Variants in TIGD7 observed in about 807,000 individuals in gnomAD.
TIGD7 encodes tigger transposable element derived 7, also known as tigger transposable element-derived protein 7.
Under a neutral mutation model 24.8 loss-of-function variants are expected in TIGD7, and 26 were observed. The observed-to-expected ratio is 1.05, with a 90% CI of 0.77 to 1.45. TIGD7 has a LOEUF of 1.45. Among genes scored for constraint, TIGD7 ranks in the 40% most tolerant of loss-of-function variants. The pLI, the probability that TIGD7 is intolerant of heterozygous loss-of-function variation, is 0.00. For missense variants in TIGD7, 679 were observed against 641.6 expected, an observed-to-expected ratio of 1.06 and a Z score of -0.63; for synonymous variants, 221 against 224.1, an observed-to-expected ratio of 0.99 and a Z score of 0.12.
Position 3,299,697 on chromosome 16 carries a change from G to C in TIGD7, c.918C>G (p.Ser306=), listed in dbSNP as rs759446864. 1.0e-5 allele frequency: 16 copies of C among 1,538,184 alleles called. No individual in the cohort carries two copies. Among genetic ancestry groups the C allele is most frequent in the Non-Finnish European group, 1.2e-5 (14 of 1,148,140 alleles). The part of the protein sequence containing the change: ...DSCPAHPSSE[S]LTSEDGRIKC... ...TTATTCGACCATCCTCACTGGTTAG[G>C]GATTCAGAGGAAGGATGAGCCGGGC... is the stretch of plus-strand genomic sequence containing the variant. The change falls in exon 2 of 2, where the codon TCC becomes TCG. Residue 306 remains serine, a synonymous_variant. Transcript: ENST00000396862.
chr16:3,300,425 C>T lies in TIGD7; in HGVS notation c.190G>A (p.Val64Ile), dbSNP rs779261265. The T allele has an allele frequency of 2.9e-5, 47 of 1,614,058 alleles. No homozygotes were observed. The highest frequency in any genetic ancestry group is 6.7e-5 in the East Asian group (3 of 44,902). ...DFVLKQDMPL[V>I]GAEKRKRTTG... is the part of the protein sequence containing the mutation. Reference sequence around the variant, plus strand: ...GTCCTCTTTCTCTTCTCAGCCCCTACTAATGGCATGTCCTGCTTCAGTACA... The same window carrying T: ...GTCCTCTTTCTCTTCTCAGCCCCTATTAATGGCATGTCCTGCTTCAGTACA... Residue 64 changes from valine to isoleucine, a missense_variant, in exon 2 of 2, where the codon GTA becomes ATA. By Grantham distance (29) the Val-to-Ile change is conservative (BLOSUM62 3). Transcript: ENST00000396862.
At chr16:3,304,243 G>T (rs751811845) in intron 1 of TIGD7, among the ~76,000 whole-genome samples, 1 of 152,140 alleles carries the variant, frequency 6.6e-6, no homozygotes, top group Non-Finnish European at 1.5e-5. Context: ...TCTAAATGCA[G>T]CCCAACTCAG....
At position 3,299,200 on chromosome 16, in the gene TIGD7, G is replaced by A; in HGVS notation, c.1415C>T (p.Thr472Ile). The change falls in exon 2 of 2, where the codon ACT (threonine) becomes ATT (isoleucine). Residue 472 changes from threonine to isoleucine, a missense_variant. Physicochemically the swap from Thr to Ile is moderately conservative, Grantham distance 89 (BLOSUM62 -1). Transcript: ENST00000396862. ...TACAGCAGATAATTTAAATTCAGCA[G>A]TCTGCTTCTCAGCTTCTCCTCCTTT... Reference protein sequence around the residue: ...VQKGGEAEKQTAEFKLSAVRE... With the variant: ...VQKGGEAEKQIAEFKLSAVRE... The A allele has an allele frequency of 2.5e-6, 4 of 1,601,474 alleles. No individual in the cohort carries two copies. The South Asian group carries it at 4.5e-5, about 18-fold the overall frequency.
chr16:3,300,090 G>A lies in TIGD7; in HGVS notation c.525C>T (p.Tyr175=). The change falls in exon 2 of 2, where the codon TAC becomes TAT. Residue 175 remains tyrosine, a synonymous_variant. Transcript: ENST00000396862. ...AAAAGAGGTCTGTTTCATCCCCACT[G>A]TATAGCTGAGCTAGACACAGTTTCT... ...KEEKLCLAQL[Y]SGDETDLFWK... The A allele has an allele frequency of 6.2e-7, 1 of 1,614,196 alleles. No individual in the cohort carries two copies. The highest frequency in any genetic ancestry group is 8.5e-7 in the Non-Finnish European group (1 of 1,180,030).
intron 1 of TIGD7, chr16:3,304,771 C>G (rs929186974): frequency 2.6e-5 from 4 of 152,224 alleles, no homozygotes; most frequent in African/African-American, 9.7e-5. Context: ...TACCAGGTGA[C>G]TATGTTAGGC....
At chr16:3,305,095 G>C (rs1168786227) in intron 1 of TIGD7, 117 bp downstream of exon 1, 2 of 152,264 alleles carry the variant, frequency 1.3e-5, no homozygotes, top group African/African-American at 4.8e-5. Flanking sequence ...GCCCGACCCG[G>C]ACAAAATGCC....
chr16:3,303,449 C>T (rs1216323522), intron 1 of TIGD7, among the ~76,000 whole-genome samples: 2 of 152,178 alleles, frequency 1.3e-5, no homozygotes, highest in Non-Finnish European at 2.9e-5. Flanking sequence ...ATATATTCAG[C>T]ATTGGGCCAG....
At position 3,299,576 on chromosome 16, in the gene TIGD7, G is replaced by C. The variant is rs1029821028; in HGVS notation, c.1039C>G (p.Leu347Val). The part of the protein sequence containing the change: ...SCKRLYRWKQ[L>V]EESLVIFEES... ...TCAAATATTACAAGACTCTCTTCAA[G>C]TTGCTTCCATCTATACAGCCGTTTG... The change falls in exon 2 of 2, where the codon CTT becomes GTT. Residue 347 changes from leucine (L) to valine (V), a missense_variant. Leu to Val is a conservative substitution (Grantham distance 32). Coordinates refer to ENST00000396862, the MANE Select transcript of TIGD7 (RefSeq NM_033208.4). 7 of 1,538,452 alleles carry C rather than the reference G, an allele frequency of 4.6e-6. No individual in the cohort carries two copies. The highest frequency in any genetic ancestry group is 1.4e-5 in the African/African-American group (1 of 71,642).
rs377543049 is a variant in TIGD7, at chr16:3,299,719, G to A, written c.896C>T (p.Pro299Leu). ...TAGGGATTCAGAGGAAGGATGAGCC[G>A]GGCAACTGTCCAGAAGTAACAATGC... ...VRALLLLDSC[P>L]AHPSSESLTS... The change falls in exon 2 of 2, where the codon CCG (proline) becomes CTG (leucine). Residue 299 changes from proline (P) to leucine (L), a missense_variant. By Grantham distance (98) the Pro-to-Leu change is moderately conservative. Transcript: ENST00000396862. 99 of 1,535,260 alleles carry A rather than the reference G, an allele frequency of 6.4e-5. No homozygotes were observed. The Admixed American group carries it at 6.8e-4, about 11-fold the overall frequency.
Position 3,299,414 on chromosome 16 carries a change from T to C in TIGD7, c.1201A>G (p.Asn401Asp). ...KQITIANAWE[N>D]LLYKKEPEYD... ...TCAGGTTCCTTTTTGTAAAGAAGAT[T>C]TTCCCATGCATTTGCTATGGTTATT... The change falls in exon 2 of 2, where the codon AAT becomes GAT. Residue 401 changes from asparagine to aspartate, a missense_variant. By Grantham distance (23) the Asn-to-Asp change is conservative. Coordinates refer to ENST00000396862, the MANE Select transcript of TIGD7 (RefSeq NM_033208.4). 2 of 1,557,112 alleles carry C rather than the reference T, an allele frequency of 1.3e-6. No individual in the cohort carries two copies. The highest frequency in any genetic ancestry group is 1.2e-5 in the South Asian group (1 of 81,840).
In TIGD7 at chr16:3,298,936, A is replaced by G. The variant is rs1193402712; in HGVS notation, c.*29T>C. 1 of 1,014,052 alleles carries G rather than the reference A, an allele frequency of 9.9e-7. No individual in the cohort carries two copies. The highest frequency in any genetic ancestry group is 3.8e-5 in the South Asian group (1 of 26,226). The allele number at this position is 1,014,052 out of a possible 1,614,324, so 62.8% of individuals were successfully genotyped here. A position where few individuals can be genotyped will look rare whatever the true frequency, so the allele number is the denominator to read the frequency against. On this transcript the variant is annotated 3_prime_UTR_variant, in exon 2 of 2. Transcript: ENST00000396862. ...ACAATTCACAGCTGGCCTACATCAT[A>G]TAATGGCAGAAATCTTTAAACACAA...
chr16:3,299,605 C>A lies in TIGD7; in HGVS notation c.1010G>T (p.Ser337Ile). 1 of 1,559,818 alleles carries A rather than the reference C, an allele frequency of 6.4e-7. No individual in the cohort carries two copies. The highest frequency in any genetic ancestry group is 1.2e-5 in the South Asian group (1 of 81,404). ...IQPMNQGVIL[S>I]CKRLYRWKQL... is the part of the protein sequence containing the mutation. Reference sequence around the variant, plus strand: ...CTTCCATCTATACAGCCGTTTGCAGCTCAAGATCACACCTTGATTCATTGG... The same window carrying A: ...CTTCCATCTATACAGCCGTTTGCAGATCAAGATCACACCTTGATTCATTGG... Residue 337 changes from serine (S) to isoleucine (I), a missense_variant, in exon 2 of 2, where the codon AGC (serine) becomes ATC (isoleucine). Coordinates refer to ENST00000396862, the MANE Select transcript of TIGD7 (RefSeq NM_033208.4).
At position 3,299,950 on chromosome 16, in the gene TIGD7, T is replaced by A; in HGVS notation, c.665A>T (p.His222Leu). ...AFLCANADGT[H>L]KLKSIIIGKS... ...TCCAATAATGATTGACTTTAATTTA[T>A]GAGTTCCGTCTGCATTTGCACATAA... Residue 222 changes from histidine to leucine, a missense_variant, in exon 2 of 2, where the codon CAT (histidine) becomes CTT (leucine). Coordinates refer to ENST00000396862, the MANE Select transcript of TIGD7 (RefSeq NM_033208.4). The A allele has an allele frequency of 6.2e-7, 1 of 1,613,410 alleles. No individual in the cohort carries two copies. The highest frequency in any genetic ancestry group is 8.5e-7 in the Non-Finnish European group (1 of 1,179,802).
Position 3,301,283 on chromosome 16 carries a change from A to C in TIGD7, c.-669T>G. On this transcript the variant is annotated 5_prime_UTR_variant, in exon 2 of 2. Coordinates refer to ENST00000396862, the MANE Select transcript of TIGD7 (RefSeq NM_033208.4). ...GGGACCCTGACATTGGGATGTATGG[A>C]GAGTTGGAATTCAGGAACAGTTGTA... is the stretch of plus-strand genomic sequence containing the variant. 6.0e-6 allele frequency: 1 copy of C among 167,248 alleles called. No homozygotes were observed. The allele number at this position is 167,248 out of a possible 1,614,324, so 10.4% of individuals were successfully genotyped here.
At chr16:3,303,338 C>G (rs1390011541) in intron 1 of TIGD7, among the ~76,000 whole-genome samples, 1 of 152,204 alleles carries the variant, frequency 6.6e-6, no homozygotes, top group Non-Finnish European at 1.5e-5. Context: ...TTCCCTTTAA[C>G]CAACTTCCTG....
In TIGD7 at chr16:3,300,674, G is replaced by A; in HGVS notation, c.-60C>T. ...ACAAAGGGAAAAGCCTTAATGAATT[G>A]GCAAAAAAAAAACCCACATTTTTTA... is the stretch of plus-strand genomic sequence containing the variant. On this transcript the variant is annotated 5_prime_UTR_variant, in exon 2 of 2. Transcript: ENST00000396862. 6.6e-7 allele frequency: 1 copy of A among 1,512,106 alleles called. No homozygotes were observed. Among genetic ancestry groups the A allele is most frequent in the Non-Finnish European group, 8.8e-7 (1 of 1,134,874 alleles). 93.7% of individuals were successfully genotyped at this position (1,512,106 alleles called of 1,614,324 possible). A position where few individuals can be genotyped will look rare whatever the true frequency, so the allele number is the denominator to read the frequency against.
rs143297362 is a variant in TIGD7, at chr16:3,299,115, G to C, written c.1500C>G (p.Phe500Leu). 6.9e-7 allele frequency: 1 copy of C among 1,458,412 alleles called. No individual in the cohort carries two copies. The highest frequency in any genetic ancestry group is 9.0e-7 in the Non-Finnish European group (1 of 1,106,024). 90.3% of individuals were successfully genotyped at this position (1,458,412 alleles called of 1,614,324 possible). A position where few individuals can be genotyped will look rare whatever the true frequency, so the allele number is the denominator to read the frequency against. The change falls in exon 2 of 2, where the codon TTC becomes TTG. Residue 500 changes from phenylalanine to leucine, a missense_variant. Physicochemically the swap from Phe to Leu is conservative, Grantham distance 22. Transcript: ENST00000396862. ...GTTGCATCTCTTTCAGTGTGAAGTG[G>C]AATCTCTGAAACTCAGGTGTGGCAT... is the stretch of plus-strand genomic sequence containing the variant. Reference protein sequence around the residue: ...FVDATPEFQRFHFTLKEMQQE... With the variant: ...FVDATPEFQRLHFTLKEMQQE...
rs1959848291 is a variant in TIGD7, at chr16:3,298,970, G to A, written c.1645C>T (p.His549Tyr). The A allele has an allele frequency of 1.6e-6, 2 of 1,235,996 alleles. No individual in the cohort carries two copies. The highest frequency in any genetic ancestry group is 5.6e-5 in the East Asian group (2 of 35,432). 76.6% of individuals were successfully genotyped at this position (1,235,996 alleles called of 1,614,324 possible). ...GAAATCTTTAAACACAAAATCTAAT[G>A]ATTAGAACCAGAAGTTGAAGGCCCA... The part of the protein sequence containing the change: ...FSGPSTSGSN[H>Y] The change falls in exon 2 of 2, where the codon CAT (histidine) becomes TAT (tyrosine). Residue 549 changes from histidine (H) to tyrosine (Y), a missense_variant. His to Tyr is a moderately conservative substitution (Grantham distance 83, BLOSUM62 2). Coordinates refer to ENST00000396862, the MANE Select transcript of TIGD7 (RefSeq NM_033208.4).
intron 1 of TIGD7, among the ~76,000 whole-genome samples, chr16:3,303,021 A>G (rs1288163491): frequency 6.6e-6 from 1 of 151,994 alleles, no homozygotes; most frequent in Non-Finnish European, 1.5e-5. Flanking sequence ...TATTTTTAGT[A>G]CAGACAAGGT....
Sources: gnomAD v4.1 joint callset for allele counts (sites outside exome capture counted in the v4.1 genomes callset) on GRCh38, gnomAD v4.1.1 for gene constraint, MANE v1.5 for transcripts, NCBI Gene and HGNC (gene_info 2026-07-23, HGNC 2026-07-21) for gene names.